Variants in ANKS1B observed in about 807,000 individuals in gnomAD.
The protein encoded by ANKS1B is ankyrin repeat and sterile alpha motif domain-containing protein 1B.
A neutral mutation model predicts 148.3 loss-of-function variants in ANKS1B; 36 were observed. The observed-to-expected ratio is 0.24, with a 90% CI of 0.19 to 0.32. ANKS1B has a LOEUF of 0.32. ANKS1B is among the 10% of genes least tolerant of loss of function. ANKS1B has a pLI of 1.00. For missense variants in ANKS1B, 1,157 were observed against 1,542.6 expected (o/e 0.75, Z 4.19); for synonymous variants, 542 against 560.8 (o/e 0.97, Z 0.47).
intron 12 of ANKS1B, among the ~76,000 whole-genome samples, chr12:99,250,186 T>G (rs1360147209): frequency 6.6e-6 from 1 of 152,194 alleles, no homozygotes; most frequent in Non-Finnish European, 1.5e-5. Flanking sequence ...TTGAATAGTT[T>G]CAGCAGACTC....
intron 17 of ANKS1B, among the ~76,000 whole-genome samples, chr12:98,929,866 A>G (rs1171924322): frequency 6.6e-6 from 1 of 152,134 alleles, no homozygotes; most frequent in Non-Finnish European, 1.5e-5. Flanking sequence ...AATCTTCAGA[A>G]TCTTGGATCA....
intron 17 of ANKS1B, among the ~76,000 whole-genome samples, chr12:98,915,143 T>C (rs1287571203): frequency 6.8e-6 from 1 of 147,750 alleles, no homozygotes; most frequent in African/African-American, 2.5e-5. Flanking sequence ...TAAGATGAGG[T>C]CACACTGGAG....
At chr12:99,044,982 A>C (rs945537947) in intron 17 of ANKS1B, among the ~76,000 whole-genome samples, 10 of 152,200 alleles carry the variant, frequency 6.6e-5, no homozygotes, top group Non-Finnish European at 1.5e-4. Context: ...GAGAGGGCAC[A>C]TTTGAAACCC....
intron 9 of ANKS1B, among the ~76,000 whole-genome samples, chr12:99,528,541 TA>T (rs1270433578): frequency 6.6e-6 from 1 of 150,956 alleles, no homozygotes; most frequent in African/African-American, 2.4e-5. Flanking sequence ...CCCAAATCTA[TA>T]AAAAACTTTT....
intron 25 of ANKS1B, among the ~76,000 whole-genome samples, chr12:98,765,019 G>A (rs146151012): frequency 7.8e-4 from 119 of 152,356 alleles, no homozygotes; most frequent in African/African-American, 2.7e-3. Flanking sequence ...AGATGTGGAA[G>A]CACGCAGCAA....
chr12:98,860,533 C>T (rs2099593756), intron 17 of ANKS1B, among the ~76,000 whole-genome samples: 1 of 152,080 alleles, frequency 6.6e-6, no homozygotes, highest in African/African-American at 2.4e-5. Flanking sequence ...ATTATAAGCC[C>T]GTCAATGGAA....
Position 99,367,930 on chromosome 12 carries a change from T to C in ANKS1B, c.1756+31701A>G, listed in dbSNP as rs143823833. 5.5e-3 allele frequency among the ~76,000 whole-genome samples: 842 copies of C among 152,290 alleles called. 3 individuals are homozygous for C. The highest frequency in any genetic ancestry group is 9.6e-3 in the Non-Finnish European group (656 of 68,008). On this transcript the variant is annotated intron_variant, in intron 12 of 26. Transcript: ENST00000683438. ...TTATATAATTTTGACATCTGAACTA[T>C]GTAAATGCCTTATATAATTTTACAA...
intron 12 of ANKS1B, among the ~76,000 whole-genome samples, chr12:99,282,311 G>A (rs910222783): frequency 5.3e-4 from 80 of 152,306 alleles, no homozygotes; most frequent in Middle Eastern, 3.4e-3. Flanking sequence ...AGTGTGGCTG[G>A]AGCAAAGTGG....
intron 1 of ANKS1B, among the ~76,000 whole-genome samples, chr12:99,844,433 G>T (rs2086287656): frequency 6.6e-6 from 1 of 151,934 alleles, no homozygotes; most frequent in South Asian, 2.1e-4. Flanking sequence ...ATAAGGAAGG[G>T]GTCCAGTTTC....
intron 12 of ANKS1B, among the ~76,000 whole-genome samples, chr12:99,336,075 G>T (rs957355632): frequency 6.6e-6 from 1 of 152,062 alleles, no homozygotes; most frequent in South Asian, 2.1e-4. Flanking sequence ...GGGGTGAGAT[G>T]ATTTCTCATT....
chr12:98,749,400 C>T (rs138361138), intron 26 of ANKS1B, among the ~76,000 whole-genome samples: 5 of 152,232 alleles, frequency 3.3e-5, no homozygotes, highest in African/African-American at 1.2e-4. Flanking sequence ...AGCCACCGTG[C>T]CCGGCCCAAA....
intron 9 of ANKS1B, among the ~76,000 whole-genome samples, chr12:99,640,781 G>A (rs1319910179): frequency 6.6e-6 from 1 of 152,168 alleles, no homozygotes; most frequent in Non-Finnish European, 1.5e-5. Flanking sequence ...GGATAAATTG[G>A]TTGAATGAGT....
intron 17 of ANKS1B, chr12:98,894,530 G>A (rs991804644): frequency 6.0e-5 from 58 of 974,116 alleles, no homozygotes; most frequent in African/African-American, 2.6e-4. Flanking sequence ...TGCCCGACTC[G>A]GCTTCCTCCG....
intron 19 of ANKS1B, among the ~76,000 whole-genome samples, chr12:98,814,595 T>C (rs1187429996): frequency 6.6e-6 from 1 of 152,188 alleles, no homozygotes; most frequent in Admixed American, 6.5e-5. Context: ...AGAAGGAACA[T>C]TTGTCATTAG....
At chr12:99,057,696 T>C (rs1304205058) in intron 16 of ANKS1B, among the ~76,000 whole-genome samples, 1 of 152,184 alleles carries the variant, frequency 6.6e-6, no homozygotes, top group Non-Finnish European at 1.5e-5. Context: ...CTTCCCAGTC[T>C]CATCAATGCT....
intron 1 of ANKS1B, among the ~76,000 whole-genome samples, chr12:99,883,624 A>AC (rs1555226413): frequency 2.0e-5 from 3 of 149,666 alleles, no homozygotes; most frequent in Non-Finnish European, 4.5e-5. Flanking sequence ...GGCAGGGGGG[A>AC]ATCTGCAAAT....
chr12:99,186,821 C>G (rs2079924554), intron 14 of ANKS1B, among the ~76,000 whole-genome samples: 1 of 151,988 alleles, frequency 6.6e-6, no homozygotes, highest in Non-Finnish European at 1.5e-5. Context: ...CTCTTCTTCT[C>G]CAAAGGATCA....
intron 8 of ANKS1B, among the ~76,000 whole-genome samples, chr12:99,683,278 T>C (rs1306203034): frequency 1.3e-5 from 2 of 151,840 alleles, no homozygotes; most frequent in Non-Finnish European, 2.9e-5. Context: ...TAAGCTCAAT[T>C]AGAAATGAAA....
intron 17 of ANKS1B, among the ~76,000 whole-genome samples, chr12:98,874,820 C>T (rs887325000): frequency 3.3e-5 from 5 of 152,194 alleles, no homozygotes; most frequent in Admixed American, 2.6e-4. Context: ...ACAGGAGAAG[C>T]TCCTTGTAAT....
Sources: gnomAD v4.1 joint callset for allele counts (sites outside exome capture counted in the v4.1 genomes callset) on GRCh38, gnomAD v4.1.1 for gene constraint, MANE v1.5 for transcripts, NCBI Gene and HGNC (gene_info 2026-07-23, HGNC 2026-07-21) for gene names.